The following SGCZ variants were observed in gnomAD, a reference collection of about 807,000 sequenced individuals.
SGCZ encodes sarcoglycan zeta, also known as zeta-sarcoglycan.
A neutral mutation model predicts 41.3 loss-of-function variants in SGCZ; 40 were observed. The ratio of observed to expected loss-of-function variants is 0.97; its 90% CI spans 0.75 to 1.26. The LOEUF is 1.26. Among genes scored for constraint, SGCZ ranks in the 50% most tolerant of loss-of-function variants. The pLI is 0.00. For synonymous variants in SGCZ, 206 were observed against 137.5 expected (o/e 1.50, Z -3.49); for missense variants, 552 against 369.8 (o/e 1.49, Z -4.04).
At chr8:14,938,217 G>A (rs891142900) in intron 1 of SGCZ, among the ~76,000 whole-genome samples, 2 of 152,104 alleles carry the variant, frequency 1.3e-5, no homozygotes, top group Non-Finnish European at 2.9e-5. Context: ...TGGAAATAGC[G>A]TTAGAATAAG....
chr8:14,722,909 A>C (rs907448789), intron 1 of SGCZ, among the ~76,000 whole-genome samples: 1 of 152,194 alleles, frequency 6.6e-6, no homozygotes, highest in Non-Finnish European at 1.5e-5. Flanking sequence ...ACAGTAAACA[A>C]AGAAAAAACT....
At chr8:15,160,362 A>C (rs190092082) in intron 1 of SGCZ, among the ~76,000 whole-genome samples, 3 of 151,974 alleles carry the variant, frequency 2.0e-5, no homozygotes, top group Non-Finnish European at 2.9e-5. Flanking sequence ...TTACATATCT[A>C]CTCCGCTGTG....
chr8:14,982,158 A>G (rs1292753297), intron 1 of SGCZ, among the ~76,000 whole-genome samples: 2 of 12,852 alleles, frequency 1.6e-4, no homozygotes, highest in East Asian at 0.012. Context: ...ACTCTGTCTC[A>G]AAAAAAAAAA....
Position 14,671,231 on chromosome 8 carries a change from A to G in SGCZ, c.40-116305T>C, listed in dbSNP as rs1368035118. 2.0e-5 allele frequency among the ~76,000 whole-genome samples: 3 copies of G among 152,186 alleles called. No individual in the cohort carries two copies. In the East Asian group the frequency reaches 5.8e-4, roughly 29 times the overall value. On this transcript the variant is annotated intron_variant, in intron 1 of 7. Coordinates refer to ENST00000382080, the MANE Select transcript of SGCZ (RefSeq NM_139167.4). ...GATGAGGGAGTCTGATGGTTCTCGC[A>G]GTGGTGTCATGTGACAGTGGTATCT... is the stretch of plus-strand genomic sequence containing the variant.
At chr8:14,263,487 T>C (rs186528350) in intron 3 of SGCZ, among the ~76,000 whole-genome samples, 60 of 152,196 alleles carry the variant, frequency 3.9e-4, no homozygotes, top group Non-Finnish European at 7.6e-4. Flanking sequence ...AGGCGGATGT[T>C]GCAGTGAGCC....
At position 14,627,802 on chromosome 8, in the gene SGCZ, T is replaced by G. The variant is rs571623810; in HGVS notation, c.40-72876A>C. On this transcript the variant is annotated intron_variant, in intron 1 of 7. Transcript: ENST00000382080. ...ACGTCTGCTGACCTCAAAGTCCCAT[T>G]TTAGGAAGCTGAAAAGGAAAGGCTC... 2.0e-5 allele frequency among the ~76,000 whole-genome samples: 3 copies of G among 152,164 alleles called. No individual in the cohort carries two copies. In the South Asian group the frequency reaches 6.2e-4, roughly 32 times the overall value.
chr8:14,201,671 T>G (rs1192656931), intron 4 of SGCZ, among the ~76,000 whole-genome samples: 2 of 152,192 alleles, frequency 1.3e-5, no homozygotes, highest in South Asian at 4.1e-4. Flanking sequence ...CATAATGTAT[T>G]TGTTTGATAC....
At chr8:14,451,884 A>C (rs947701308) in intron 2 of SGCZ, among the ~76,000 whole-genome samples, 2 of 152,238 alleles carry the variant, frequency 1.3e-5, no homozygotes, top group South Asian at 4.1e-4. Context: ...TCCTGGTGGA[A>C]ATTCAAAGTG....
At chr8:14,554,960 GA>G (rs543572315) in intron 1 of SGCZ, 34 bp from the exon 2 acceptor site, 77 of 1,368,210 alleles carry the variant, frequency 5.6e-5, no homozygotes, top group South Asian at 1.2e-4. Context: ...GAGAAAGAAG[GA>G]AAAAAAAAGA....
intron 1 of SGCZ, among the ~76,000 whole-genome samples, chr8:14,701,741 T>G (rs547897882): frequency 2.6e-5 from 4 of 151,826 alleles, no homozygotes; most frequent in Admixed American, 2.6e-4. Flanking sequence ...CAGCATCAGG[T>G]CTGCCACCTC....
intron 1 of SGCZ, among the ~76,000 whole-genome samples, chr8:15,038,777 AT>A (rs1285158678): frequency 6.7e-6 from 1 of 149,146 alleles, no homozygotes; most frequent in Non-Finnish European, 1.5e-5. Context: ...AAATAACCTG[AT>A]TAGAGAATGG....
intron 1 of SGCZ, among the ~76,000 whole-genome samples, chr8:14,757,087 C>T (rs1210435726): frequency 6.6e-6 from 1 of 152,100 alleles, no homozygotes; most frequent in Non-Finnish European, 1.5e-5. Flanking sequence ...CTTGGTCTGT[C>T]ACCTAGGCTG....
At chr8:14,278,696 G>A (rs1372994493) in intron 3 of SGCZ, among the ~76,000 whole-genome samples, 21 of 151,908 alleles carry the variant, frequency 1.4e-4, no homozygotes, top group Non-Finnish European at 2.6e-4. Context: ...AATCTTTCTA[G>A]TATCTAACTG....
intron 1 of SGCZ, among the ~76,000 whole-genome samples, chr8:14,772,029 G>C (rs928161690): frequency 3.9e-5 from 6 of 152,036 alleles, no homozygotes; most frequent in African/African-American, 1.4e-4. Context: ...AAAGTGATAC[G>C]TGTTCAGTAG....
At chr8:14,410,540 T>TAA (rs10602435) in intron 2 of SGCZ, among the ~76,000 whole-genome samples, 3 of 142,154 alleles carry the variant, frequency 2.1e-5, no homozygotes, top group Non-Finnish European at 1.6e-5. Context: ...TAAGTTAATA[T>TAA]AAAAAAAAAA....
chr8:14,826,335 G>A (rs887703805), intron 1 of SGCZ, among the ~76,000 whole-genome samples: 13 of 152,114 alleles, frequency 8.5e-5, no homozygotes, highest in Admixed American at 4.6e-4. Context: ...GTCTATCATG[G>A]TTGGACATTT....
chr8:15,057,467 T>C (rs1394718360), intron 1 of SGCZ, among the ~76,000 whole-genome samples: 3 of 152,160 alleles, frequency 2.0e-5, no homozygotes, highest in African/African-American at 7.2e-5. Flanking sequence ...CCATAGCAAG[T>C]AGAGTTGAAG....
intron 3 of SGCZ, among the ~76,000 whole-genome samples, chr8:14,316,293 C>G (rs562000997): frequency 6.6e-6 from 1 of 151,974 alleles, no homozygotes; most frequent in South Asian, 2.1e-4. Context: ...TATTAGTAAA[C>G]TTAATTCAAC....
Position 14,252,266 on chromosome 8 carries a change from T to C in SGCZ, c.337-14587A>G, listed in dbSNP as rs1395631917. 2.0e-5 allele frequency among the ~76,000 whole-genome samples: 3 copies of C among 152,174 alleles called. No individual in the cohort carries two copies. In the South Asian group the frequency reaches 6.2e-4, roughly 32 times the overall value. On this transcript the variant is annotated intron_variant, in intron 3 of 7. Coordinates refer to ENST00000382080, the MANE Select transcript of SGCZ (RefSeq NM_139167.4). Reference sequence around the variant, plus strand: ...GCTATGTTACTCAGCTCTTAAGTTATTCATTAAAATATTAATTTATGAATA... The same window carrying C: ...GCTATGTTACTCAGCTCTTAAGTTACTCATTAAAATATTAATTTATGAATA...
Sources: gnomAD v4.1 joint callset for allele counts (sites outside exome capture counted in the v4.1 genomes callset) on GRCh38, gnomAD v4.1.1 for gene constraint, MANE v1.5 for transcripts, NCBI Gene and HGNC (gene_info 2026-07-23, HGNC 2026-07-21) for gene names.